EMB: variants seen among roughly 807,000 people sequenced by gnomAD.
The protein encoded by EMB is embigin.
A neutral mutation model predicts 41.4 loss-of-function variants in EMB; 31 were observed. The observed-to-expected ratio is 0.75, with a 90% CI of 0.56 to 1.01. The LOEUF (loss-of-function observed/expected upper bound fraction) is 1.01. EMB is among the 50% of genes least tolerant of loss of function. EMB has a pLI of 0.00. For missense variants in EMB, 379 were observed against 388.3 expected, an observed-to-expected ratio of 0.98 and a Z score of 0.20; for synonymous variants, 137 against 140.4, an observed-to-expected ratio of 0.98 and a Z score of 0.17.
chr5:50,410,944 T>C lies in EMB; in HGVS notation c.405A>G (p.Lys135=). 1 of 1,605,920 alleles carries C rather than the reference T, an allele frequency of 6.2e-7. No individual in the cohort carries two copies. The highest frequency in any genetic ancestry group is 1.1e-5 in the South Asian group (1 of 89,238). Residue 135 remains lysine (K), a synonymous_variant, in exon 4 of 9, where the codon AAA becomes AAG. Transcript: ENST00000303221. ...TQYRFTIINS[K]QMGSYSCFFR... ...AGAAACAAGAATAACTTCCCATTTG[T>C]TTGCTATTAATGATGGTGAACCTAA...
intron 1 of EMB, among the ~76,000 whole-genome samples, chr5:50,433,083 A>T (rs1329986483): frequency 6.6e-6 from 1 of 152,104 alleles, no homozygotes; most frequent in Non-Finnish European, 1.5e-5. Context: ...GTCTCCAAAA[A>T]AAAAACAAAA....
intron 7 of EMB, among the ~76,000 whole-genome samples, chr5:50,400,191 A>T (rs1579718159): frequency 6.6e-6 from 1 of 152,066 alleles, no homozygotes; most frequent in Non-Finnish European, 1.5e-5. Flanking sequence ...CGTAAAGACC[A>T]TAACTTATGT....
intron 1 of EMB, among the ~76,000 whole-genome samples, chr5:50,437,582 C>T (rs930707868): frequency 6.6e-6 from 1 of 152,128 alleles, no homozygotes; most frequent in Non-Finnish European, 1.5e-5. Flanking sequence ...ATTTGATGCT[C>T]AATTTGTCCC....
chr5:50,410,872 C>T lies in EMB; in HGVS notation c.472+5G>A. 4 of 1,560,516 alleles carry T rather than the reference C, an allele frequency of 2.6e-6. No individual in the cohort carries two copies. Among genetic ancestry groups the T allele is most frequent in the Non-Finnish European group, 2.6e-6 (3 of 1,143,948 alleles). On this transcript the variant is annotated splice_donor_5th_base_variant and intron_variant, in intron 4 of 8. Transcript: ENST00000303221. ...TTAACTATTCCTCAAGTTATTAATA[C>T]TGACCTTTGAAATTAAATGTTCCCC...
upstream of EMB, among the ~76,000 whole-genome samples, chr5:50,442,716 A>G (rs1036731751): frequency 2.0e-5 from 3 of 152,218 alleles, no homozygotes; most frequent in Admixed American, 1.3e-4. Flanking sequence ...TGCCTAATCA[A>G]TGGCTGCTAC....
intron 4 of EMB, among the ~76,000 whole-genome samples, chr5:50,410,546 T>G (rs555344369): frequency 2.0e-5 from 3 of 152,086 alleles, no homozygotes; most frequent in Non-Finnish European, 4.4e-5. Context: ...CACAATAACT[T>G]AGAAACGTGG....
intron 1 of EMB, among the ~76,000 whole-genome samples, chr5:50,435,815 T>C (rs1036662440): frequency 2.6e-5 from 4 of 152,230 alleles, no homozygotes; most frequent in African/African-American, 9.6e-5. Flanking sequence ...TGAATCCCCA[T>C]ATTATTAAAT....
chr5:50,415,712 G>A (rs796911247), intron 2 of EMB, among the ~76,000 whole-genome samples: 2 of 152,288 alleles, frequency 1.3e-5, no homozygotes, highest in African/African-American at 4.8e-5. Flanking sequence ...ATTTAGGTAT[G>A]CCTGAGTCCA....
chr5:50,435,222 T>C (rs1194928417), intron 1 of EMB, among the ~76,000 whole-genome samples: 1 of 152,198 alleles, frequency 6.6e-6, no homozygotes. Context: ...GTTTCTGACC[T>C]GATGCTTCAT....
At position 50,403,377 on chromosome 5, in the gene EMB, TTG is replaced by T. The variant is rs751719445; in HGVS notation, c.676_677del (p.Gln226ThrfsTer21). 1.7e-5 allele frequency: 28 copies of T among 1,612,558 alleles called. No homozygotes were observed. Among genetic ancestry groups the T allele is most frequent in the South Asian group, 1.5e-4 (14 of 91,052 alleles). On this transcript the variant is annotated frameshift_variant, in exon 6 of 9. Coordinates refer to ENST00000303221, the MANE Select transcript of EMB (RefSeq NM_198449.3). LOFTEE classifies it high-confidence loss of function. The stretch of plus-strand genomic sequence containing the variant: ...AAGATTCCCCATCTTCCTCCAAAAG[TTG>T]TGTTATCTTCAGCTTTGTTTCGTTA... ...YANETKLKITQLLEEDGESYW... is the reference protein window; with the variant it reads ...YANETKLKITXLLEEDGESYW...
chr5:50,435,175 A>G (rs1811742), intron 1 of EMB, among the ~76,000 whole-genome samples: 60,023 of 151,998 alleles, frequency 0.39, 12,387 homozygotes, highest in African/African-American at 0.51. Context: ...AAACATTTCA[A>G]GAACAGAACA....
At chr5:50,437,386 C>A (rs1745822171) in intron 1 of EMB, among the ~76,000 whole-genome samples, 2 of 152,190 alleles carry the variant, frequency 1.3e-5, no homozygotes, top group Non-Finnish European at 2.9e-5. Flanking sequence ...GTCTGCCAAG[C>A]TTCTCCACCA....
At chr5:50,425,093 T>C (rs1378065405) in intron 2 of EMB, among the ~76,000 whole-genome samples, 2 of 152,222 alleles carry the variant, frequency 1.3e-5, no homozygotes, top group East Asian at 3.9e-4. Context: ...GAATCTTTTC[T>C]GCAATAAAGT....
In EMB at chr5:50,437,931, A is replaced by G. The variant is rs303223; in HGVS notation, c.112+3109T>C. On this transcript the variant is annotated intron_variant, in intron 1 of 8. Transcript: ENST00000303221. ...GATATTTAAATACTCCCACTGATAT[A>G]TCCTTTACAAAGATATATTATATGT... Among the ~76,000 whole-genome samples, 84 of 151,466 alleles carry G rather than the reference A, an allele frequency of 5.5e-4. 1 individual carries two copies. The highest frequency in any genetic ancestry group is 5.0e-3 in the East Asian group (26 of 5,154).
upstream of EMB, chr5:50,443,268 T>A (rs922406263): frequency 6.6e-6 from 1 of 152,182 alleles, no homozygotes; most frequent in Non-Finnish European, 1.5e-5. Flanking sequence ...TCGCTCAGGC[T>A]GGAGGGCAGA....
In EMB at chr5:50,408,490, C is replaced by G. The variant is rs140906188; in HGVS notation, c.472+2387G>C. ...TGAACTAATCAGTAATCTTGAGGGC[C>G]TTTTACAACTTTGTAGTAGTAAATC... On this transcript the variant is annotated intron_variant, in intron 4 of 8. Transcript: ENST00000303221. 4.6e-3 allele frequency among the ~76,000 whole-genome samples: 706 copies of G among 152,044 alleles called. 5 individuals are homozygous for G. The highest frequency in any genetic ancestry group is 0.016 in the African/African-American group (674 of 41,498).
chr5:50,411,822 T>C (rs922373874), intron 2 of EMB: 2 of 152,386 alleles, frequency 1.3e-5, no homozygotes, highest in African/African-American at 4.8e-5. Context: ...TAATAACTAC[T>C]AGAGAATGTT....
intron 2 of EMB, among the ~76,000 whole-genome samples, chr5:50,423,666 T>C (rs974235467): frequency 5.3e-5 from 8 of 152,306 alleles, no homozygotes; most frequent in Admixed American, 5.2e-4. Context: ...TTTTCATTGC[T>C]TTCCTGTGGA....
chr5:50,424,887 T>TA (rs1283998706), intron 2 of EMB, among the ~76,000 whole-genome samples: 1 of 152,074 alleles, frequency 6.6e-6, no homozygotes, highest in Non-Finnish European at 1.5e-5. Context: ...AAACTGATAT[T>TA]AAAAAAACAA....
Sources: gnomAD v4.1 joint callset for allele counts (sites outside exome capture counted in the v4.1 genomes callset) on GRCh38, gnomAD v4.1.1 for gene constraint, MANE v1.5 for transcripts, NCBI Gene and HGNC (gene_info 2026-07-23, HGNC 2026-07-21) for gene names.